VPS13C: variants seen among roughly 807,000 people sequenced by gnomAD.
VPS13C encodes intermembrane lipid transfer protein VPS13C.
In VPS13C, 358 loss-of-function variants were observed where a neutral mutation model predicts 456.8. That is an observed-to-expected ratio of 0.78 (90% CI 0.72 to 0.86). The LOEUF (loss-of-function observed/expected upper bound fraction) is 0.86. Among genes scored for constraint, VPS13C ranks in the 40% least tolerant of loss-of-function variants. The pLI is 0.00. For missense variants in VPS13C, 4,818 were observed against 4,385.4 expected (o/e 1.10, Z -2.79); for synonymous variants, 1,578 against 1,486.7 (o/e 1.06, Z -1.41).
At chr15:62,045,556 T>C (rs887640051) in intron 1 of VPS13C, among the ~76,000 whole-genome samples, 1 of 151,934 alleles carries the variant, frequency 6.6e-6, no homozygotes, top group African/African-American at 2.4e-5. Context: ...CAAAATAAGG[T>C]CAGAAAGGTA....
rs1894707911 is a variant in VPS13C, at chr15:61,867,961, A to G, written c.10863+698T>C. 3.9e-6 allele frequency: 6 copies of G among 1,527,290 alleles called. No individual in the cohort carries two copies. Among genetic ancestry groups the G allele is most frequent in the Middle Eastern group, 1.7e-4 (1 of 5,904 alleles). 94.6% of individuals were successfully genotyped at this position (1,527,290 alleles called of 1,614,324 possible). ...TTCCAGTTCTTGCTGTGCAGGCAGA[A>G]AAACAAAGAAAATAAAGTTAGAAGC... is the stretch of plus-strand genomic sequence containing the variant. On this transcript the variant is annotated intron_variant, in intron 81 of 84. Transcript: ENST00000644861. This position sits in a 1 kb window ranked among gnomAD's most constrained non-coding sequence, Gnocchi z 5.0.
intron 82 of VPS13C, among the ~76,000 whole-genome samples, chr15:61,862,645 T>C (rs565763718): frequency 1.3e-5 from 2 of 152,290 alleles, no homozygotes; most frequent in East Asian, 3.9e-4. Flanking sequence ...GCTTTTTAGA[T>C]TGTTTTGTGA....
In VPS13C at chr15:61,969,434, T is replaced by C. The variant is rs753077929; in HGVS notation, c.2776A>G (p.Lys926Glu). 10 of 1,543,882 alleles carry C rather than the reference T, an allele frequency of 6.5e-6. No individual in the cohort carries two copies. The highest frequency in any genetic ancestry group is 2.3e-5 in the East Asian group (1 of 43,538). Residue 926 changes from lysine (K) to glutamate (E), a missense_variant, in exon 28 of 85, where the codon AAA (lysine) becomes GAA (glutamate). Lys to Glu is a moderately conservative substitution (Grantham distance 56, BLOSUM62 1). This residue lies in a region of VPS13C where 4,552 missense variants were observed against 4,130.6 expected (regional missense o/e 1.10). Coordinates refer to ENST00000644861, the MANE Select transcript of VPS13C (RefSeq NM_020821.3). ...ATTGTATCTTCTTCTTTCTGCTGTT[T>C]AGTAAATTCCAAAATCACCTAAAAG... ...EIKEVILEFT[K>E]QQKEEDTILV...
chr15:61,882,786 C>T, intron 68 of VPS13C, 50 bp from the exon 69 acceptor site: 1 of 1,466,816 alleles, frequency 6.8e-7, no homozygotes, highest in Non-Finnish European at 9.0e-7. Context: ...AGCACAGTAG[C>T]TATTCCATTT....
chr15:61,917,605 G>C lies in VPS13C; in HGVS notation c.7791C>G (p.Ile2597Met). ...TAGATTCTTTGTACTGATGCTCTAA[G>C]ATTCCAGCTGGCTGGATAAACAATT... Reference protein sequence around the residue: ...RCQLFIQPAGILEHQYKESTT... With the variant: ...RCQLFIQPAGMLEHQYKESTT... The change falls in exon 60 of 85, where the codon ATC (isoleucine) becomes ATG (methionine). Residue 2597 changes from isoleucine (I) to methionine (M), a missense_variant. Around this residue, in one of 3 missense-constraint regions of VPS13C, gnomAD observed 4,552 missense variants for 4,130.6 expected, o/e 1.10. Transcript: ENST00000644861. 6.2e-7 allele frequency: 1 copy of C among 1,612,512 alleles called. No homozygotes were observed. Among genetic ancestry groups the C allele is most frequent in the Non-Finnish European group, 8.5e-7 (1 of 1,178,618 alleles).
chr15:61,973,074 T>C (rs1341284431), intron 26 of VPS13C, among the ~76,000 whole-genome samples: 1 of 152,182 alleles, frequency 6.6e-6, no homozygotes, highest in Non-Finnish European at 1.5e-5. Flanking sequence ...TGCCAGCCAG[T>C]AAGGATACCA....
At position 62,008,696 on chromosome 15, in the gene VPS13C, T is replaced by C. The variant is rs773099286; in HGVS notation, c.1077A>G (p.Lys359=). ...DYMVRNAPYR[K]YKPYLPLHTN... is the part of the protein sequence containing the mutation. ...TATGAAGTGGTAAATAAGGCTTGTATTTCCTATAAGGCGCATTCCTAACCA... is the reference window on the plus strand; with the variant it reads ...TATGAAGTGGTAAATAAGGCTTGTACTTCCTATAAGGCGCATTCCTAACCA... The change falls in exon 14 of 85, where the codon AAA becomes AAG. Residue 359 remains lysine, a synonymous_variant. Transcript: ENST00000644861. 1 of 1,608,790 alleles carries C rather than the reference T, an allele frequency of 6.2e-7. No individual in the cohort carries two copies.
At chr15:61,879,741 C>T (rs1179308470) in intron 73 of VPS13C, among the ~76,000 whole-genome samples, 1 of 151,976 alleles carries the variant, frequency 6.6e-6, no homozygotes, top group Non-Finnish European at 1.5e-5. Flanking sequence ...TTCAATCCCA[C>T]AAATAACTGA....
Position 61,867,552 on chromosome 15 carries a change from G to A in VPS13C, c.10863+1107C>T. 9.9e-7 allele frequency: 1 copy of A among 1,009,426 alleles called. No homozygotes were observed. Among genetic ancestry groups the A allele is most frequent in the Non-Finnish European group, 1.2e-6 (1 of 846,680 alleles). 62.5% of individuals were successfully genotyped at this position (1,009,426 alleles called of 1,614,324 possible). A position where few individuals can be genotyped will look rare whatever the true frequency, so the allele number is the denominator to read the frequency against. The stretch of plus-strand genomic sequence containing the variant: ...CTCACAAACATAAACATATTAATTG[G>A]ACATAATAATTGTCCTGTTTTTCAA... On this transcript the variant is annotated intron_variant, in intron 81 of 84. Transcript: ENST00000644861. The surrounding 1 kb of genome is among the most constrained non-coding windows in gnomAD (Gnocchi z 5.0).
At chr15:61,934,738 CTTTATTTTATTTTAT>C (rs541420213) in intron 48 of VPS13C, among the ~76,000 whole-genome samples, 1 of 151,920 alleles carries the variant, frequency 6.6e-6, no homozygotes, top group Non-Finnish European at 1.5e-5. Context: ...CTCTCACTAA[CTTTATTTTATTTTAT>C]TTTATTTTAT....
rs1473554233 is a variant in VPS13C at position 61,961,650 on chromosome 15, A to T, written c.3847T>A (p.Tyr1283Asn). 1.9e-6 allele frequency: 3 copies of T among 1,613,686 alleles called. No homozygotes were observed. Among genetic ancestry groups the T allele is most frequent in the Non-Finnish European group, 2.5e-6 (3 of 1,179,832 alleles). Residue 1283 changes from tyrosine (Y) to asparagine (N), a missense_variant, in exon 35 of 85, where the codon TAC becomes AAC. Transcript: ENST00000644861. ...NQFSLVSDED[Y>N]LNPPVIDRMD... The stretch of plus-strand genomic sequence containing the variant: ...CTATCAATTACTGGAGGATTTAAGT[A>T]GTCTTCATCAGACACCAGACTGAAC...
intron 66 of VPS13C, among the ~76,000 whole-genome samples, chr15:61,892,927 G>A (rs1483806512): frequency 6.6e-6 from 1 of 152,056 alleles, no homozygotes; most frequent in East Asian, 1.9e-4. Flanking sequence ...ACAGGCTATT[G>A]GAAAATACAC....
In VPS13C at chr15:61,890,259, C is replaced by G. The variant is rs1319977676; in HGVS notation, c.9247G>C (p.Ala3083Pro). ...KALQAEEMEQADYEITLSLHS... is the reference protein window; with the variant it reads ...KALQAEEMEQPDYEITLSLHS... ...AGAGACAAGGTTATTTCATAATCAGCCTGTTCCATTTCTTCTGCCTGCAGT... is the reference window on the plus strand; with the variant it reads ...AGAGACAAGGTTATTTCATAATCAGGCTGTTCCATTTCTTCTGCCTGCAGT... Residue 3083 changes from alanine (A) to proline (P), a missense_variant, in exon 67 of 85, where the codon GCT becomes CCT. Physicochemically the swap from Ala to Pro is conservative, Grantham distance 27. This residue lies in a region of VPS13C where 4,552 missense variants were observed against 4,130.6 expected (regional missense o/e 1.10). Coordinates refer to ENST00000644861, the MANE Select transcript of VPS13C (RefSeq NM_020821.3). The G allele has an allele frequency of 1.2e-6, 2 of 1,614,044 alleles. No homozygotes were observed. The highest frequency in any genetic ancestry group is 3.3e-5 in the Admixed American group (2 of 59,994).
In VPS13C at chr15:61,853,508, T is replaced by C. The variant is rs1893751708; in HGVS notation, c.*949A>G. The stretch of plus-strand genomic sequence containing the variant: ...AGAGTGTAGCTATTTTAAGGTTTGA[T>C]TGTCCAGATTTTTTTATTAGACTGC... On this transcript the variant is annotated 3_prime_UTR_variant, in exon 85 of 85. Coordinates refer to ENST00000644861, the MANE Select transcript of VPS13C (RefSeq NM_020821.3). The C allele has an allele frequency of 6.6e-6, 1 of 152,156 alleles. No homozygotes were observed. The highest frequency in any genetic ancestry group is 2.4e-5 in the African/African-American group (1 of 41,444). 9.4% of individuals were successfully genotyped at this position (152,156 alleles called of 1,614,324 possible).
chr15:62,059,903 C>G (rs1243642066), intron 1 of VPS13C, among the ~76,000 whole-genome samples: 1 of 152,226 alleles, frequency 6.6e-6, no homozygotes, highest in Non-Finnish European at 1.5e-5. Flanking sequence ...ACCATGCTCA[C>G]TCCACGCGAT....
At chr15:61,964,547 C>T (rs2045319695) in intron 31 of VPS13C, 152 bp downstream of exon 31, 1 of 712,232 alleles carries the variant, frequency 1.4e-6, no homozygotes, top group Non-Finnish European at 2.2e-6. Flanking sequence ...ATTACATTTG[C>T]CTTATACATC....
intron 2 of VPS13C, among the ~76,000 whole-genome samples, chr15:62,043,913 A>T (rs573039732): frequency 4.8e-4 from 73 of 152,354 alleles, no homozygotes; most frequent in Middle Eastern, 6.8e-3. Flanking sequence ...TCTCAAAAAT[A>T]CGTAAAGACA....
intron 66 of VPS13C, among the ~76,000 whole-genome samples, chr15:61,900,972 T>G (rs1476083559): frequency 1.3e-5 from 2 of 152,150 alleles, no homozygotes; most frequent in Non-Finnish European, 2.9e-5. Flanking sequence ...TACAACTATC[T>G]GATCTTTGAC....
chr15:61,901,490 A>T (rs1050916056), intron 66 of VPS13C, among the ~76,000 whole-genome samples: 3 of 152,204 alleles, frequency 2.0e-5, no homozygotes, highest in South Asian at 2.1e-4. Flanking sequence ...ACATTTATGC[A>T]GCCAAAAAAC....
Sources: allele counts gnomAD v4.1 joint callset (sites outside exome capture counted in the v4.1 genomes callset), GRCh38; gene constraint gnomAD v4.1.1; regional missense constraint gnomAD v4.1.1; non-coding constraint Gnocchi (gnomAD v3.1); transcripts MANE v1.5; gene names NCBI Gene and HGNC (gene_info 2026-07-23, HGNC 2026-07-21).